SYCP1: variants seen among roughly 807,000 people sequenced by gnomAD.
SYCP1 encodes cancer/testis antigen 8.
A neutral mutation model predicts 153.1 loss-of-function variants in SYCP1; 64 were observed. The ratio of observed to expected loss-of-function variants is 0.42; its 90% CI spans 0.34 to 0.51. SYCP1 has a LOEUF of 0.51. Ranked by LOEUF, SYCP1 falls within the 20% of genes least tolerant of loss-of-function variation. SYCP1 has a pLI of 0.06. For synonymous variants in SYCP1, 384 were observed against 341.8 expected, an observed-to-expected ratio of 1.12 and a Z score of -1.36; for missense variants, 997 against 1,049.0, an observed-to-expected ratio of 0.95 and a Z score of 0.68.
chr1:114,891,952 AT>A (rs1454129405), intron 15 of SYCP1, among the ~76,000 whole-genome samples: 1 of 152,200 alleles, frequency 6.6e-6, no homozygotes, highest in African/African-American at 2.4e-5. Flanking sequence ...TATGAAGGAA[AT>A]AAAAATGATG....
chr1:114,934,303 C>T, intron 23 of SYCP1, among the ~76,000 whole-genome samples: 1 of 152,082 alleles, frequency 6.6e-6, no homozygotes, highest in Non-Finnish European at 1.5e-5. Context: ...CATATCCAGC[C>T]AAACTAAACT....
At chr1:114,913,201 G>A (rs1668297990) in intron 19 of SYCP1, 51 bp downstream of exon 19, 4 of 1,435,254 alleles carry the variant, frequency 2.8e-6, no homozygotes, top group Non-Finnish European at 2.9e-6. Flanking sequence ...CAATTAGCAG[G>A]TTAGAATAGA....
Position 114,885,646 on chromosome 1 carries a change from C to A in SYCP1, c.1005+17C>A. The stretch of plus-strand genomic sequence containing the variant: ...AGAAGTGTGGTATGATTTAAAAACT[C>A]ATTAGTGTGTAATAAGTCTCACCCT... On this transcript the variant is annotated intron_variant, in intron 13 of 31. Coordinates refer to ENST00000369522, the MANE Select transcript of SYCP1 (RefSeq NM_003176.4). 2.1e-6 allele frequency: 3 copies of A among 1,404,200 alleles called. No individual in the cohort carries two copies. In the South Asian group the frequency reaches 3.8e-5, roughly 18 times the overall value. The allele number at this position is 1,404,200 out of a possible 1,614,324, so 87.0% of individuals were successfully genotyped here. A position where few individuals can be genotyped will look rare whatever the true frequency, so the allele number is the denominator to read the frequency against.
At chr1:114,880,320 A>AGG (rs1302126488) in intron 12 of SYCP1, among the ~76,000 whole-genome samples, 1 of 152,230 alleles carries the variant, frequency 6.6e-6, no homozygotes, top group Non-Finnish European at 1.5e-5. Flanking sequence ...AGCTTCTGGC[A>AGG]ACCACTATTT....
At chr1:114,933,605 C>T (rs1041617979) in intron 23 of SYCP1, among the ~76,000 whole-genome samples, 7 of 152,062 alleles carry the variant, frequency 4.6e-5, no homozygotes, top group East Asian at 1.9e-4. Context: ...CAAACTTCTC[C>T]GAGCTAAAGG....
chr1:114,911,112 TATA>T (rs1471080742), intron 17 of SYCP1, among the ~76,000 whole-genome samples: 2 of 151,960 alleles, frequency 1.3e-5, no homozygotes, highest in Admixed American at 6.6e-5. Flanking sequence ...CTTATTATTT[TATA>T]ATAATAAGAA....
chr1:114,983,187 A>G (rs1194105217), intron 29 of SYCP1, among the ~76,000 whole-genome samples: 1 of 151,976 alleles, frequency 6.6e-6, no homozygotes, highest in South Asian at 2.1e-4. Context: ...GGGCCTTTTC[A>G]GGACCTTCCT....
chr1:114,886,062 G>A (rs947071304), intron 13 of SYCP1, 63 bp from the exon 14 acceptor site: 4 of 1,107,468 alleles, frequency 3.6e-6, no homozygotes, highest in Non-Finnish European at 5.1e-6. Context: ...AAGCAGATAA[G>A]TTCAGCTTTT....
intron 15 of SYCP1, among the ~76,000 whole-genome samples, chr1:114,891,970 G>A (rs993763964): frequency 7.9e-5 from 12 of 152,124 alleles, no homozygotes; most frequent in Admixed American, 4.6e-4. Context: ...GATGCAATGC[G>A]GTGGCTGCAA....
At chr1:114,966,871 G>A (rs1233239896) in intron 27 of SYCP1, among the ~76,000 whole-genome samples, 1 of 151,966 alleles carries the variant, frequency 6.6e-6, no homozygotes, top group Non-Finnish European at 1.5e-5. Context: ...TTTTTGTAGA[G>A]ACAGGGTTTC....
chr1:114,993,123 T>G (rs931841595), intron 30 of SYCP1, among the ~76,000 whole-genome samples: 5 of 151,564 alleles, frequency 3.3e-5, no homozygotes, highest in Non-Finnish European at 5.9e-5. Context: ...AGACTCATGA[T>G]GAATAATCAA....
At chr1:114,890,258 C>A (rs1666609296) in intron 15 of SYCP1, among the ~76,000 whole-genome samples, 1 of 151,634 alleles carries the variant, frequency 6.6e-6, no homozygotes, top group African/African-American at 2.4e-5. Context: ...AAGGGGTGAG[C>A]AAAATTTCCT....
intron 1 of SYCP1, 68 bp from the exon 2 acceptor site, chr1:114,855,373 A>G: frequency 1.2e-6 from 1 of 866,692 alleles, no homozygotes; most frequent in South Asian, 1.7e-5. Context: ...TTTAAAGAAT[A>G]CATAGTGTAT....
chr1:114,946,522 C>G (rs1670719898), intron 26 of SYCP1, 141 bp downstream of exon 26: 1 of 440,498 alleles, frequency 2.3e-6, no homozygotes, highest in African/African-American at 2.1e-5. Context: ...TATAGATCTT[C>G]TAGTTACATG....
Position 114,984,885 on chromosome 1 carries a change from T to G in SYCP1, c.2703+17T>G, listed in dbSNP as rs1673396948. 5 of 1,208,662 alleles carry G rather than the reference T, an allele frequency of 4.1e-6. No individual in the cohort carries two copies. The highest frequency in any genetic ancestry group is 5.5e-6 in the Non-Finnish European group (5 of 910,030). 74.9% of individuals were successfully genotyped at this position (1,208,662 alleles called of 1,614,324 possible). ...GATCTTTTGGTAAAAATTTTACAAA[T>G]AATATTTAGTATTTATTTATATTAC... is the stretch of plus-strand genomic sequence containing the variant. On this transcript the variant is annotated intron_variant, in intron 30 of 31. Coordinates refer to ENST00000369522, the MANE Select transcript of SYCP1 (RefSeq NM_003176.4).
At chr1:114,949,538 T>TG (rs1428785186) in intron 27 of SYCP1, among the ~76,000 whole-genome samples, 2 of 152,168 alleles carry the variant, frequency 1.3e-5, no homozygotes, top group Non-Finnish European at 2.9e-5. Flanking sequence ...CTATGTGACT[T>TG]GGGTCAGCTT....
chr1:114,910,795 A>G (rs935942651), intron 17 of SYCP1, among the ~76,000 whole-genome samples: 5 of 151,932 alleles, frequency 3.3e-5, no homozygotes, highest in Non-Finnish European at 7.4e-5. Flanking sequence ...GAGTCTTGCT[A>G]TGTTGCCCAG....
rs1278305969 is a variant in SYCP1 at position 114,946,138 on chromosome 1, A to G, written c.2155-151A>G. 1.6e-5 allele frequency: 4 copies of G among 246,616 alleles called. No homozygotes were observed. The East Asian group carries it at 3.8e-4, about 24-fold the overall frequency. 15.3% of individuals were successfully genotyped at this position (246,616 alleles called of 1,614,324 possible). A position where few individuals can be genotyped will look rare whatever the true frequency, so the allele number is the denominator to read the frequency against. The stretch of plus-strand genomic sequence containing the variant: ...AAACATTAAAAATATATACCCATAT[A>G]TATTACTGAATTTATAAACATAAGT... On this transcript the variant is annotated intron_variant, in intron 25 of 31. Transcript: ENST00000369522.
At chr1:114,959,142 G>T (rs1272728443) in intron 27 of SYCP1, among the ~76,000 whole-genome samples, 7 of 151,878 alleles carry the variant, frequency 4.6e-5, no homozygotes, top group Admixed American at 4.6e-4. Context: ...TTAGTTTAAA[G>T]GTTGTTTTGT....
Sources: allele counts gnomAD v4.1 joint callset (sites outside exome capture counted in the v4.1 genomes callset), GRCh38; gene constraint gnomAD v4.1.1; transcripts MANE v1.5; gene names NCBI Gene and HGNC (gene_info 2026-07-23, HGNC 2026-07-21).